The following NADK2 variants were observed in gnomAD, a reference collection of about 807,000 sequenced individuals.
NADK2 encodes NAD kinase domain-containing protein 1, mitochondrial.
NADK2 carries 35 observed loss-of-function variants against 62.1 expected under a neutral mutation model. The ratio of observed to expected loss-of-function variants is 0.56; its 90% confidence interval spans 0.43 to 0.75. The LOEUF is 0.75. Ranked by LOEUF, NADK2 falls within the 30% of genes least tolerant of loss-of-function variation. NADK2 has a pLI of 0.00. For missense variants in NADK2, 439 were observed against 561.3 expected (o/e 0.78, Z 2.20); for synonymous variants, 205 against 207.9 (o/e 0.99, Z 0.12).
intron 1 of NADK2, among the ~76,000 whole-genome samples, chr5:36,232,617 G>C (rs1747748810): frequency 6.6e-6 from 1 of 152,104 alleles, no homozygotes; most frequent in Admixed American, 6.6e-5. Context: ...ATTTATCTTA[G>C]ATCATCTCTA....
intron 6 of NADK2, chr5:36,212,919 G>A (rs555230898): frequency 9.2e-5 from 14 of 152,310 alleles, no homozygotes; most frequent in African/African-American, 3.1e-4. Flanking sequence ...GTGACCAACA[G>A]AATATGGCAG....
At chr5:36,215,244 TTGTGGGTCC>T (rs1422446621) in intron 6 of NADK2, among the ~76,000 whole-genome samples, 1 of 152,148 alleles carries the variant, frequency 6.6e-6, no homozygotes, top group Non-Finnish European at 1.5e-5. Flanking sequence ...GTGAAACACT[TTGTGGGTCC>T]TTTCAATTCA....
chr5:36,219,738 A>C, intron 4 of NADK2, 59 bp from the exon 5 acceptor site: 1 of 1,311,382 alleles, frequency 7.6e-7, no homozygotes, highest in African/African-American at 1.5e-5. Context: ...AGGTGAAGCA[A>C]AAAAATTTAA....
chr5:36,237,395 T>C (rs987727496), intron 1 of NADK2, among the ~76,000 whole-genome samples: 2 of 151,994 alleles, frequency 1.3e-5, no homozygotes, highest in South Asian at 2.1e-4. Context: ...TAAAAAGAGA[T>C]GAGGCAAAGA....
Position 36,241,332 on chromosome 5 carries a change from A to C in NADK2, c.300+167T>G, listed in dbSNP as rs556614157. On this transcript the variant is annotated intron_variant, in intron 1 of 11. Transcript: ENST00000381937. This position sits in a 1 kb window ranked among gnomAD's most constrained non-coding sequence, Gnocchi z 4.9. ...CCCTCGCACACACGCCCAAAGGCAA[A>C]GGAGGCCCAGGGAGAAGCCAGAGGA... 5 of 1,275,172 alleles carry C rather than the reference A, an allele frequency of 3.9e-6. No homozygotes were observed. Among genetic ancestry groups the C allele is most frequent in the African/African-American group, 1.6e-5 (1 of 63,370 alleles). 79.0% of individuals were successfully genotyped at this position (1,275,172 alleles called of 1,614,324 possible).
At chr5:36,208,497 G>T in intron 7 of NADK2, 1 of 651,100 alleles carries the variant, frequency 1.5e-6, no homozygotes, top group South Asian at 1.9e-5. Flanking sequence ...AGTCAGGTGA[G>T]AGATGCTCAG....
At chr5:36,195,316 T>C (rs917444220) in intron 11 of NADK2, 34 bp from the exon 12 acceptor site, 2 of 1,561,794 alleles carry the variant, frequency 1.3e-6, no homozygotes, top group Non-Finnish European at 8.6e-7. Context: ...TAAATAGTAA[T>C]AGTTTTCTTA....
chr5:36,214,470 G>A (rs562385360), intron 6 of NADK2, among the ~76,000 whole-genome samples: 12 of 152,200 alleles, frequency 7.9e-5, no homozygotes, highest in African/African-American at 1.2e-4. Context: ...GTGAACCACC[G>A]TGCCCAGCCA....
chr5:36,203,390 A>G (rs1746517351), intron 8 of NADK2, among the ~76,000 whole-genome samples: 1 of 152,074 alleles, frequency 6.6e-6, no homozygotes, highest in African/African-American at 2.4e-5. Context: ...TTGAAGCAAA[A>G]AGGACAAAAG....
At chr5:36,207,032 G>A (rs1746665777) in intron 8 of NADK2, 138 bp downstream of exon 8, 1 of 670,180 alleles carries the variant, frequency 1.5e-6, no homozygotes, top group Non-Finnish European at 2.6e-6. Context: ...CCCAAATGAT[G>A]AATGAAACAG....
intron 7 of NADK2, chr5:36,208,730 GC>G: frequency 7.7e-7 from 1 of 1,297,676 alleles, no homozygotes; most frequent in Non-Finnish European, 1.1e-6. Context: ...ACAAAATTGG[GC>G]CTTTAAAATG....
intron 1 of NADK2, among the ~76,000 whole-genome samples, chr5:36,230,515 G>A (rs1747669327): frequency 6.6e-6 from 1 of 152,226 alleles, no homozygotes; most frequent in South Asian, 2.1e-4. Context: ...AGTGCTGGGA[G>A]AACAGTGATC....
chr5:36,216,101 T>C (rs893472484), intron 6 of NADK2, among the ~76,000 whole-genome samples: 1 of 152,224 alleles, frequency 6.6e-6, no homozygotes, highest in Non-Finnish European at 1.5e-5. Flanking sequence ...CCAGTATTTG[T>C]TATTTTTGTC....
At chr5:36,232,717 C>G (rs1747751630) in intron 1 of NADK2, among the ~76,000 whole-genome samples, 1 of 152,188 alleles carries the variant, frequency 6.6e-6, no homozygotes, top group African/African-American at 2.4e-5. Flanking sequence ...GACCTCCTCC[C>G]TTGATATTGC....
chr5:36,213,283 T>C (rs1209074900), intron 6 of NADK2: 1 of 152,214 alleles, frequency 6.6e-6, no homozygotes, highest in Admixed American at 6.5e-5. Flanking sequence ...CTGAGTGATT[T>C]GTTATACAAC....
At chr5:36,199,136 G>C (rs1211631528) in intron 10 of NADK2, among the ~76,000 whole-genome samples, 1 of 151,770 alleles carries the variant, frequency 6.6e-6, no homozygotes, top group African/African-American at 2.4e-5. Flanking sequence ...CACCAACATG[G>C]CACATGTATA....
intron 1 of NADK2, among the ~76,000 whole-genome samples, chr5:36,239,045 A>C (rs1028738292): frequency 1.3e-5 from 2 of 152,164 alleles, no homozygotes; most frequent in African/African-American, 2.4e-5. Flanking sequence ...CCTGTTTTAC[A>C]TCAAAAAACC....
At chr5:36,198,672 T>C (rs1192098700) in intron 10 of NADK2, among the ~76,000 whole-genome samples, 1 of 149,130 alleles carries the variant, frequency 6.7e-6, no homozygotes, top group Non-Finnish European at 1.5e-5. Context: ...TTATTTTATA[T>C]ATATTATTTT....
At chr5:36,239,793 C>T (rs2112214908) in intron 1 of NADK2, among the ~76,000 whole-genome samples, 1 of 152,234 alleles carries the variant, frequency 6.6e-6, no homozygotes, top group African/African-American at 2.4e-5. Flanking sequence ...AATTCACATA[C>T]TGAATTAGGT....
Sources: gnomAD v4.1 joint callset for allele counts (sites outside exome capture counted in the v4.1 genomes callset) on GRCh38, gnomAD v4.1.1 for gene constraint, Gnocchi (gnomAD v3.1) non-coding constraint, MANE v1.5 for transcripts, NCBI Gene and HGNC (gene_info 2026-07-23, HGNC 2026-07-21) for gene names.